The following SLC22A25 variants were observed in gnomAD, a reference collection of about 807,000 sequenced individuals.
SLC22A25 encodes the protein MGI:2442751, MGI:2385316, MGI:3042283, MGI:3645714, MGI:3605624, MGI:2442750.
A neutral mutation model predicts 45.9 loss-of-function variants in SLC22A25; 44 were observed. The observed-to-expected ratio is 0.96, with a 90% CI of 0.75 to 1.23. The LOEUF (loss-of-function observed/expected upper bound fraction) is 1.23, where lower values mean the gene tolerates loss of function less well. Ranked by LOEUF, SLC22A25 falls within the 50% of genes most tolerant of loss-of-function variation. The pLI, the probability that SLC22A25 is intolerant of heterozygous loss-of-function variation, is 0.00. For synonymous variants in SLC22A25, 283 were observed against 238.6 expected (o/e 1.19, Z -1.72); for missense variants, 800 against 666.4 (o/e 1.20, Z -2.21).
At chr11:63,223,777 C>T (rs919483906) in intron 5 of SLC22A25, among the ~76,000 whole-genome samples, 4 of 151,822 alleles carry the variant, frequency 2.6e-5, no homozygotes, top group African/African-American at 7.3e-5. Context: ...CTCTTGGTAC[C>T]GCTTTTGCTG....
At chr11:63,236,169 C>T (rs2090159732) in intron 3 of SLC22A25, among the ~76,000 whole-genome samples, 1 of 152,220 alleles carries the variant, frequency 6.6e-6, no homozygotes, top group Non-Finnish European at 1.5e-5. Context: ...CTCTTCAAAG[C>T]TGTCAGACAG....
At position 63,191,604 on chromosome 11, in the gene SLC22A25, G is replaced by T. The variant is rs556688115; in HGVS notation, c.831-7787C>A. ...TTGAGATGAACCTGGTACCTCAGTT[G>T]GAAATGCAGAAATCTCCTGTCTTCT... On this transcript the variant is annotated intron_variant, in intron 7 of 11. Transcript: ENST00000306494. 2.0e-5 allele frequency among the ~76,000 whole-genome samples: 3 copies of T among 152,218 alleles called. No individual in the cohort carries two copies. In the East Asian group the frequency reaches 5.8e-4, roughly 29 times the overall value.
rs548859333 is a variant in SLC22A25, at chr11:63,183,989, G to A, written c.831-172C>T. Among the ~76,000 whole-genome samples the A allele has an allele frequency of 1.4e-4, 22 of 152,242 alleles. No homozygotes were observed. The South Asian group carries it at 4.6e-3, about 32-fold the overall frequency. ...GCCATCACCAGGAAAATGTAAGGGT[G>A]ACTCTCTGTGCAGTACACATTCACT... On this transcript the variant is annotated intron_variant, in intron 7 of 11. Coordinates refer to ENST00000306494, the MANE Select transcript of SLC22A25 (RefSeq NM_199352.6).
chr11:63,220,090 A>T, intron 5 of SLC22A25: 13 of 1,028,544 alleles, frequency 1.3e-5, no homozygotes, highest in African/African-American at 1.6e-5. Context: ...GACTGTGACA[A>T]TATTGTCCTT....
chr11:63,210,945 A>G (rs2089541543), intron 7 of SLC22A25, among the ~76,000 whole-genome samples: 1 of 152,132 alleles, frequency 6.6e-6, no homozygotes, highest in South Asian at 2.1e-4. Context: ...CTTTATACCT[A>G]AAGGGAATAT....
intron 7 of SLC22A25, among the ~76,000 whole-genome samples, chr11:63,197,785 G>A (rs2089099605): frequency 6.6e-6 from 1 of 152,158 alleles, no homozygotes; most frequent in Non-Finnish European, 1.5e-5. Context: ...GAGTGATCAG[G>A]CAACCTACAG....
chr11:63,211,465 G>A (rs1459229675), intron 7 of SLC22A25, among the ~76,000 whole-genome samples: 1 of 152,068 alleles, frequency 6.6e-6, no homozygotes, highest in Non-Finnish European at 1.5e-5. Context: ...TGGACTTAAA[G>A]GATGCCTTCT....
At chr11:63,230,344 G>T (rs1164669940) in intron 3 of SLC22A25, among the ~76,000 whole-genome samples, 1 of 152,150 alleles carries the variant, frequency 6.6e-6, no homozygotes, top group African/African-American at 2.4e-5. Context: ...TCATATGGAG[G>T]TTTACTTTTA....
Position 63,243,514 on chromosome 11 carries a change from C to T in SLC22A25, c.-1076G>A. ...GTGCTGTCTGCATGTTCCTGGCCTCCAGGCTCAAAGAGTCCAGCCCACTGA... is the reference window on the plus strand; with the variant it reads ...GTGCTGTCTGCATGTTCCTGGCCTCTAGGCTCAAAGAGTCCAGCCCACTGA... On this transcript the variant is annotated 5_prime_UTR_variant, in exon 1 of 12. Coordinates refer to ENST00000306494, the MANE Select transcript of SLC22A25 (RefSeq NM_199352.6). The T allele has an allele frequency of 1.3e-6, 1 of 762,118 alleles. No individual in the cohort carries two copies. Among genetic ancestry groups the T allele is most frequent in the Non-Finnish European group, 2.5e-6 (1 of 407,308 alleles). The allele number at this position is 762,118 out of a possible 1,614,324, so 47.2% of individuals were successfully genotyped here.
At chr11:63,223,582 T>C (rs941119271) in intron 5 of SLC22A25, among the ~76,000 whole-genome samples, 3 of 151,976 alleles carry the variant, frequency 2.0e-5, no homozygotes, top group African/African-American at 7.3e-5. Flanking sequence ...TTTTGTTTTG[T>C]TGCTGTTTTG....
chr11:63,229,110 C>A, intron 4 of SLC22A25, 141 bp downstream of exon 4: 1 of 824,124 alleles, frequency 1.2e-6, no homozygotes, highest in Non-Finnish European at 1.8e-6. Context: ...ATCTGGCATT[C>A]AGTAGAGAAG....
At chr11:63,236,834 C>A (rs2090173074) in intron 3 of SLC22A25, among the ~76,000 whole-genome samples, 1 of 152,172 alleles carries the variant, frequency 6.6e-6, no homozygotes, top group South Asian at 2.1e-4. Flanking sequence ...ATATGCATCT[C>A]TGTTTCTTCA....
intron 7 of SLC22A25, among the ~76,000 whole-genome samples, chr11:63,195,498 A>G (rs920891695): frequency 2.0e-5 from 3 of 152,232 alleles, no homozygotes; most frequent in African/African-American, 4.8e-5. Context: ...CTGCTCCTGA[A>G]TGACTACCGA....
intron 5 of SLC22A25, chr11:63,219,853 T>C (rs1369375087): frequency 8.4e-7 from 1 of 1,183,918 alleles, no homozygotes; most frequent in African/African-American, 1.6e-5. Context: ...TACTGGACTG[T>C]TGGAAATCAA....
At chr11:63,242,431 C>T (rs989310120) in intron 1 of SLC22A25, among the ~76,000 whole-genome samples, 6 of 152,182 alleles carry the variant, frequency 3.9e-5, no homozygotes, top group Admixed American at 2.6e-4. Context: ...ACTTGCATGA[C>T]TCCTGTTTTC....
intron 7 of SLC22A25, among the ~76,000 whole-genome samples, chr11:63,185,678 T>G (rs1419604329): frequency 1.4e-4 from 19 of 139,280 alleles, no homozygotes; most frequent in Non-Finnish European, 2.2e-4. Context: ...TATCTCCCAA[T>G]GCTATCCCTC....
chr11:63,226,529 C>G (rs983116875), intron 5 of SLC22A25, among the ~76,000 whole-genome samples: 1 of 152,160 alleles, frequency 6.6e-6, no homozygotes, highest in Non-Finnish European at 1.5e-5. Flanking sequence ...CTGCTTGTAG[C>G]TAGTGATGGG....
chr11:63,175,604 G>A (rs1440650738), intron 9 of SLC22A25, among the ~76,000 whole-genome samples: 1 of 151,900 alleles, frequency 6.6e-6, no homozygotes, highest in Non-Finnish European at 1.5e-5. Flanking sequence ...TTTCTAGTTT[G>A]ATGTCCTATT....
chr11:63,190,827 G>A (rs1369154702), intron 7 of SLC22A25, among the ~76,000 whole-genome samples: 5 of 152,310 alleles, frequency 3.3e-5, no homozygotes, highest in Non-Finnish European at 1.5e-5. Context: ...GACCCTGTTT[G>A]TCTGGGTATC....
Sources: gnomAD v4.1 joint callset for allele counts (sites outside exome capture counted in the v4.1 genomes callset) on GRCh38, gnomAD v4.1.1 for gene constraint, MANE v1.5 for transcripts, NCBI Gene and HGNC (gene_info 2026-07-23, HGNC 2026-07-21) for gene names.